Variants in ZBBX observed in about 807,000 individuals in gnomAD.
The protein encoded by ZBBX is zinc finger B-box domain containing.
In ZBBX, 101 loss-of-function variants were observed where a neutral mutation model predicts 108.5. The ratio of observed to expected loss-of-function variants is 0.93; its 90% CI spans 0.79 to 1.10. The LOEUF is 1.10. Among genes scored for constraint, ZBBX ranks in the 50% least tolerant of loss-of-function variants. ZBBX has a pLI of 0.00. For missense variants in ZBBX, 1,009 were observed against 941.4 expected (o/e 1.07, Z -0.94); for synonymous variants, 356 against 323.4 (o/e 1.10, Z -1.08).
At chr3:167,389,314 T>G (rs188041689) in intron 1 of ZBBX, among the ~76,000 whole-genome samples, 2 of 152,282 alleles carry the variant, frequency 1.3e-5, no homozygotes, top group East Asian at 3.9e-4. Flanking sequence ...GAACTCATTC[T>G]TTTTTATGGC....
At chr3:167,214,845 C>T in the ZBBX span, among the ~76,000 whole-genome samples, 1 of 152,114 alleles carries the variant, frequency 6.6e-6, no homozygotes, top group Non-Finnish European at 1.5e-5. Context: ...TGCTCAAAAT[C>T]ATGCAATTAC....
chr3:167,213,630 T>C, the ZBBX span, among the ~76,000 whole-genome samples: 24 of 152,152 alleles, frequency 1.6e-4, no homozygotes, highest in Admixed American at 1.5e-3. Context: ...TTTCAGGATA[T>C]CATCCATGAA....
intron 20 of ZBBX, among the ~76,000 whole-genome samples, chr3:167,247,059 A>G (rs919645635): frequency 5.9e-5 from 9 of 152,184 alleles, no homozygotes; most frequent in Admixed American, 4.6e-4. Flanking sequence ...CACACCACAG[A>G]CCGAGGTGAG....
chr3:167,348,902 C>T (rs1469849617), intron 9 of ZBBX, among the ~76,000 whole-genome samples: 4 of 151,934 alleles, frequency 2.6e-5, no homozygotes, highest in South Asian at 4.1e-4. Flanking sequence ...CAAAATAATG[C>T]TCAACGTTTA....
At chr3:167,313,898 C>T (rs998620097) in intron 16 of ZBBX, 76 bp downstream of exon 16, 2 of 1,332,152 alleles carry the variant, frequency 1.5e-6, no homozygotes, top group Non-Finnish European at 2.0e-6. Flanking sequence ...AACAGCATAA[C>T]AAAGCTTTTA....
chr3:167,178,859 T>A, the ZBBX span, among the ~76,000 whole-genome samples: 3 of 152,224 alleles, frequency 2.0e-5, no homozygotes, highest in South Asian at 2.1e-4. Flanking sequence ...CAATCGCATA[T>A]GTGGTGTGCC....
chr3:167,210,920 AG>A, the ZBBX span, among the ~76,000 whole-genome samples: 1 of 152,178 alleles, frequency 6.6e-6, no homozygotes, highest in Admixed American at 6.5e-5. Context: ...CGCTAAAGGG[AG>A]TCATCAGTAT....
intron 9 of ZBBX, among the ~76,000 whole-genome samples, chr3:167,347,882 T>C (rs1401135795): frequency 6.6e-6 from 1 of 152,034 alleles, no homozygotes; most frequent in Non-Finnish European, 1.5e-5. Context: ...CATAGTTCTT[T>C]ATTGTATTTA....
chr3:167,388,955 CTCTTT>C lies in ZBBX; in HGVS notation c.-445-8555_-445-8551del, dbSNP rs774600548. Among the ~76,000 whole-genome samples the C allele has an allele frequency of 5.9e-4, 90 of 151,758 alleles. 1 individual carries two copies. The highest frequency in any genetic ancestry group is 6.6e-4 in the Admixed American group (10 of 15,192). On this transcript the variant is annotated intron_variant, in intron 1 of 21. Coordinates refer to the ZBBX transcript ENST00000455345. ...TTGTATTTCTATTTTTGAGAATTAC[CTCTTT>C]TCTTTTCTTTTTTATTTTGCTTTAT...
At chr3:167,321,945 G>C (rs1413670485) in intron 12 of ZBBX, among the ~76,000 whole-genome samples, 172 bp downstream of exon 12, 1 of 151,788 alleles carries the variant, frequency 6.6e-6, no homozygotes, top group Non-Finnish European at 1.5e-5. Flanking sequence ...TACATAAATA[G>C]AATTAAAATT....
intron 20 of ZBBX, among the ~76,000 whole-genome samples, chr3:167,263,190 C>T (rs368452657): frequency 3.3e-5 from 5 of 151,890 alleles, no homozygotes; most frequent in East Asian, 3.9e-4. Flanking sequence ...GCACGCACCA[C>T]TGCGCCCAAC....
intron 20 of ZBBX, among the ~76,000 whole-genome samples, chr3:167,265,191 G>GT (rs1437247749): frequency 6.6e-6 from 1 of 152,114 alleles, no homozygotes; most frequent in African/African-American, 2.4e-5. Context: ...AATGTGCTGG[G>GT]TCTCCCCTGA....
Position 167,287,945 on chromosome 3 carries a change from T to C in ZBBX, c.1996+922A>G, listed in dbSNP as rs577011936. Among the ~76,000 whole-genome samples the C allele has an allele frequency of 3.3e-5, 5 of 152,244 alleles. No individual in the cohort carries two copies. In the South Asian group the frequency reaches 6.2e-4, roughly 19 times the overall value. ...GGGCAAGAGAGACATATATATCTTA[T>C]ATAGAGAGGCAAATCATATGCAATT... On this transcript the variant is annotated intron_variant, in intron 19 of 21. Transcript: ENST00000675490.
chr3:167,266,521 C>T (rs151311516), intron 20 of ZBBX, among the ~76,000 whole-genome samples: 1 of 152,266 alleles, frequency 6.6e-6, no homozygotes, highest in African/African-American at 2.4e-5. Context: ...ACAAGCTCCA[C>T]CACTGTACCT....
chr3:167,300,973 T>C (rs1209819333), intron 17 of ZBBX, among the ~76,000 whole-genome samples: 2 of 150,178 alleles, frequency 1.3e-5, no homozygotes, highest in Admixed American at 6.7e-5. Flanking sequence ...GTCTGTTACA[T>C]AGGTAAATTT....
At chr3:167,212,536 G>A in the ZBBX span, among the ~76,000 whole-genome samples, 6 of 152,156 alleles carry the variant, frequency 3.9e-5, no homozygotes, top group Admixed American at 1.3e-4. Context: ...CATCTCCCAT[G>A]GGACCCACAT....
intron 20 of ZBBX, among the ~76,000 whole-genome samples, chr3:167,260,700 A>G (rs923160791): frequency 1.3e-5 from 2 of 152,192 alleles, no homozygotes; most frequent in Non-Finnish European, 2.9e-5. Context: ...TCTTTAAGCT[A>G]TCTACCTCCT....
intron 18 of ZBBX, among the ~76,000 whole-genome samples, chr3:167,292,382 T>A (rs1730852996): frequency 6.6e-6 from 1 of 152,120 alleles, no homozygotes; most frequent in African/African-American, 2.4e-5. Context: ...AAATTAGGAA[T>A]CAGGATTAAG....
the ZBBX span, among the ~76,000 whole-genome samples, chr3:167,232,343 T>C: frequency 6.6e-6 from 1 of 151,820 alleles, no homozygotes; most frequent in Non-Finnish European, 1.5e-5. Context: ...CCTAGTGCAA[T>C]GTTTATTTGC....
Sources: gnomAD v4.1 joint callset for allele counts (sites outside exome capture counted in the v4.1 genomes callset) on GRCh38, gnomAD v4.1.1 for gene constraint, MANE v1.5 for transcripts, NCBI Gene and HGNC (gene_info 2026-07-23, HGNC 2026-07-21) for gene names.